Variants in CDH18 observed in about 807,000 individuals in gnomAD.
CDH18 encodes cadherin 18.
Under a neutral mutation model 67.9 loss-of-function variants are expected in CDH18, and 31 were observed. The observed-to-expected ratio is 0.46, with a 90% CI of 0.34 to 0.62. The LOEUF is 0.62. CDH18 is among the 20% of genes least tolerant of loss of function. CDH18 has a pLI of 0.01. For missense variants in CDH18, 890 were observed against 975.5 expected, an observed-to-expected ratio of 0.91 and a Z score of 1.17; for synonymous variants, 362 against 347.2, an observed-to-expected ratio of 1.04 and a Z score of -0.48.
intron 1 of CDH18, among the ~76,000 whole-genome samples, chr5:20,343,365 C>T (rs2150046621): frequency 6.6e-6 from 1 of 152,234 alleles, no homozygotes; most frequent in Non-Finnish European, 1.5e-5. Context: ...AGAATCACAG[C>T]CCCTCAATCA....
At chr5:20,294,262 A>G (rs1747321277) in intron 1 of CDH18, among the ~76,000 whole-genome samples, 1 of 152,234 alleles carries the variant, frequency 6.6e-6, no homozygotes. Flanking sequence ...CCAACAGCCC[A>G]TAAAAGGTCA....
chr5:20,443,980 T>A (rs377138001), intron 1 of CDH18, among the ~76,000 whole-genome samples: 46 of 152,080 alleles, frequency 3.0e-4, no homozygotes, highest in African/African-American at 1.1e-3. Flanking sequence ...AATTCTAATC[T>A]TGGCTTTTTC....
intron 2 of CDH18, among the ~76,000 whole-genome samples, chr5:20,160,646 T>C (rs549997534): frequency 6.6e-6 from 1 of 152,160 alleles, no homozygotes; most frequent in Non-Finnish European, 1.5e-5. Flanking sequence ...GACTGTATGA[T>C]AGAAATAGAA....
chr5:20,391,087 A>T (rs1457899508), intron 1 of CDH18, among the ~76,000 whole-genome samples: 1 of 152,140 alleles, frequency 6.6e-6, no homozygotes, highest in Non-Finnish European at 1.5e-5. Context: ...ATACATATGT[A>T]ACTAACCTGC....
chr5:20,231,061 A>G (rs997054020), intron 2 of CDH18, among the ~76,000 whole-genome samples: 3 of 152,224 alleles, frequency 2.0e-5, no homozygotes, highest in African/African-American at 7.2e-5. Flanking sequence ...ATTGGTAGGT[A>G]TGATAGTAAG....
In CDH18 at chr5:19,519,035, G is replaced by A. The variant is rs189588158; in HGVS notation, c.1512+1622C>T. Among the ~76,000 whole-genome samples, 9 of 152,218 alleles carry A rather than the reference G, an allele frequency of 5.9e-5. No individual in the cohort carries two copies. The South Asian group carries it at 1.5e-3, about 25-fold the overall frequency. Reference sequence around the variant, plus strand: ...ATAAAGCAAACGCCTAGCTGTACCCGGTCAGGTAATTTCTCTACTTGGCTT... The same window carrying A: ...ATAAAGCAAACGCCTAGCTGTACCCAGTCAGGTAATTTCTCTACTTGGCTT... On this transcript the variant is annotated intron_variant, in intron 10 of 12. Transcript: ENST00000382275.
At chr5:20,379,405 G>A (rs1056369522) in intron 1 of CDH18, among the ~76,000 whole-genome samples, 5 of 152,050 alleles carry the variant, frequency 3.3e-5, no homozygotes, top group African/African-American at 1.2e-4. Flanking sequence ...TCCTGAGCAG[G>A]TATCATATTG....
chr5:19,900,892 A>G (rs939734675), intron 2 of CDH18, among the ~76,000 whole-genome samples: 1 of 152,152 alleles, frequency 6.6e-6, no homozygotes, highest in African/African-American at 2.4e-5. Context: ...TAAAAATATC[A>G]GTAAAGACGA....
At chr5:20,549,866 T>C (rs991269369) in intron 1 of CDH18, among the ~76,000 whole-genome samples, 1 of 152,170 alleles carries the variant, frequency 6.6e-6, no homozygotes, top group African/African-American at 2.4e-5. Flanking sequence ...CACCACGTGA[T>C]AAACTTCTTT....
At chr5:19,682,518 G>C (rs532640428) in intron 5 of CDH18, among the ~76,000 whole-genome samples, 2 of 152,116 alleles carry the variant, frequency 1.3e-5, no homozygotes, top group South Asian at 4.1e-4. Flanking sequence ...CACAGAGTGG[G>C]CTGAGTCCTC....
chr5:20,205,530 G>T (rs751649116), intron 2 of CDH18, among the ~76,000 whole-genome samples: 1 of 151,744 alleles, frequency 6.6e-6, no homozygotes, highest in African/African-American at 2.4e-5. Flanking sequence ...AGACCAAAGA[G>T]GTCTAGTTTC....
At chr5:19,508,776 A>G (rs1311309712) in intron 10 of CDH18, among the ~76,000 whole-genome samples, 2 of 152,052 alleles carry the variant, frequency 1.3e-5, no homozygotes, top group Non-Finnish European at 2.9e-5. Flanking sequence ...AATATATAAA[A>G]TTTGTCTAAT....
chr5:19,531,632 C>CAA (rs1171624547), intron 9 of CDH18, among the ~76,000 whole-genome samples: 3 of 147,238 alleles, frequency 2.0e-5, no homozygotes, highest in Non-Finnish European at 4.5e-5. Flanking sequence ...CACACACACA[C>CAA]ACACACAAAC....
chr5:20,508,116 A>T (rs1279777294), intron 1 of CDH18, among the ~76,000 whole-genome samples: 5 of 151,744 alleles, frequency 3.3e-5, no homozygotes, highest in Non-Finnish European at 7.4e-5. Flanking sequence ...TGTATCTTAA[A>T]ATTCTTTAAA....
intron 1 of CDH18, among the ~76,000 whole-genome samples, chr5:20,533,286 C>T (rs1038062640): frequency 6.6e-6 from 1 of 152,012 alleles, no homozygotes; most frequent in Non-Finnish European, 1.5e-5. Context: ...GTCCAGACTT[C>T]AGAATTAAAA....
At chr5:20,291,202 T>C (rs1395154987) in intron 1 of CDH18, among the ~76,000 whole-genome samples, 1 of 151,616 alleles carries the variant, frequency 6.6e-6, no homozygotes, top group Admixed American at 6.6e-5. Flanking sequence ...AATCAAAGAG[T>C]TTTTAATTGA....
intron 6 of CDH18, among the ~76,000 whole-genome samples, chr5:19,596,138 T>A (rs1746127111): frequency 6.6e-6 from 1 of 152,128 alleles, no homozygotes; most frequent in Non-Finnish European, 1.5e-5. Context: ...AACTAGAAAA[T>A]AACTTTCATC....
intron 10 of CDH18, among the ~76,000 whole-genome samples, chr5:19,505,122 G>GT (rs1743897698): frequency 6.6e-6 from 1 of 151,894 alleles, no homozygotes. Flanking sequence ...TGACAATCGT[G>GT]TTTTTTTAAG....
chr5:19,817,958 C>T (rs1779468044), intron 3 of CDH18, among the ~76,000 whole-genome samples: 1 of 152,024 alleles, frequency 6.6e-6, no homozygotes, highest in Non-Finnish European at 1.5e-5. Context: ...TTTATGGACT[C>T]TAAAATATAA....
Sources: allele counts gnomAD v4.1 joint callset (sites outside exome capture counted in the v4.1 genomes callset), GRCh38; gene constraint gnomAD v4.1.1; transcripts MANE v1.5; gene names NCBI Gene and HGNC (gene_info 2026-07-23, HGNC 2026-07-21).